The following DSG1 variants were observed in gnomAD, a reference collection of about 807,000 sequenced individuals.
DSG1 encodes the protein desmoglein-1.
In DSG1, 39 loss-of-function variants were observed where a neutral mutation model predicts 97.5. The observed-to-expected ratio is 0.40, with a 90% CI of 0.31 to 0.52. The LOEUF (loss-of-function observed/expected upper bound fraction) is 0.52, where lower values mean the gene tolerates loss of function less well. Ranked by LOEUF, DSG1 falls within the 20% of genes least tolerant of loss-of-function variation. The pLI is 0.53. For missense variants in DSG1, 1,311 were observed against 1,295.4 expected, an observed-to-expected ratio of 1.01 and a Z score of -0.18; for synonymous variants, 475 against 443.4, an observed-to-expected ratio of 1.07 and a Z score of -0.90.
rs762635618 is a variant in DSG1, at chr18:31,328,268, T to C, written c.296T>C (p.Ile99Thr). Reference protein sequence around the residue: ...GVGIDQPPYGIFVINQKTGEI... With the variant: ...GVGIDQPPYGTFVINQKTGEI... ...GGAATTGATCAGCCACCATATGGGA[T>C]CTTTGTCATTAATCAGAAAACTGGT... is the stretch of plus-strand genomic sequence containing the variant. Residue 99 changes from isoleucine (I) to threonine (T), a missense_variant, in exon 4 of 15, where the codon ATC (isoleucine) becomes ACC (threonine). Around this residue, in one of 3 missense-constraint regions of DSG1, gnomAD observed 259 missense variants for 304.1 expected, o/e 0.85. Transcript: ENST00000257192. 1.2e-6 allele frequency: 2 copies of C among 1,613,630 alleles called. No homozygotes were observed. The highest frequency in any genetic ancestry group is 2.2e-5 in the East Asian group (1 of 44,856).
At chr18:31,353,299 G>A (rs1338634399) in intron 14 of DSG1, among the ~76,000 whole-genome samples, 5,402 of 141,680 alleles carry the variant, frequency 0.038, 240 homozygotes, top group African/African-American at 0.14. Context: ...AGGGGTCAGG[G>A]ACCCACTTGA....
rs2071697137 is a variant in DSG1 at position 31,328,044 on chromosome 18, T to C, written c.217-145T>C. ...AAAATATTAGAGCTGTAATTGTTAC[T>C]CTTATCTAGGAAAATAATCTCCATT... On this transcript the variant is annotated intron_variant, in intron 3 of 14. Transcript: ENST00000257192. 10 of 788,440 alleles carry C rather than the reference T, an allele frequency of 1.3e-5. No individual in the cohort carries two copies. In the East Asian group the frequency reaches 2.7e-4, roughly 21 times the overall value. The allele number at this position is 788,440 out of a possible 1,614,324, so 48.8% of individuals were successfully genotyped here. A position where few individuals can be genotyped will look rare whatever the true frequency, so the allele number is the denominator to read the frequency against.
chr18:31,354,746 T>C lies in DSG1; in HGVS notation c.2550T>C (p.Ser850=). The C allele has an allele frequency of 6.2e-7, 1 of 1,614,182 alleles. No homozygotes were observed. The highest frequency in any genetic ancestry group is 8.5e-7 in the Non-Finnish European group (1 of 1,180,022). The change falls in exon 15 of 15, where the codon TCT becomes TCC. Residue 850 remains serine (S), a synonymous_variant. Transcript: ENST00000257192. ...CCACCTCTGACACTCTGAAGCCCTC[T>C]GTGCACGTTCACGATAACCGACCAG... ...SYTTSDTLKP[S]VHVHDNRPAS...
At chr18:31,346,585 C>T (rs1489151559) in intron 14 of DSG1, among the ~76,000 whole-genome samples, 2 of 152,004 alleles carry the variant, frequency 1.3e-5, no homozygotes, top group African/African-American at 4.8e-5. Flanking sequence ...ATCCTGTGCC[C>T]CTCCTGGAAT....
At chr18:31,331,901 C>A in intron 6 of DSG1, 34 bp downstream of exon 6, 1 of 1,595,524 alleles carries the variant, frequency 6.3e-7, no homozygotes, top group Non-Finnish European at 8.6e-7. Flanking sequence ...TTTTTGGTCT[C>A]AAAGGAACTG....
In DSG1 at chr18:31,355,382, GT is replaced by G; in HGVS notation, c.*39del. On this transcript the variant is annotated 3_prime_UTR_variant, in exon 15 of 15. Transcript: ENST00000257192. Reference sequence around the variant, plus strand: ...AGCTCACTTTTTCATAGTCATTGTGGTTTAGATCCAATTCCCACCACTAAAA... The same window carrying G: ...AGCTCACTTTTTCATAGTCATTGTGGTTAGATCCAATTCCCACCACTAAAA... The G allele has an allele frequency of 6.3e-7, 1 of 1,599,534 alleles. No homozygotes were observed. Among genetic ancestry groups the G allele is most frequent in the Non-Finnish European group, 8.6e-7 (1 of 1,168,588 alleles).
In DSG1 at chr18:31,336,604, C is replaced by A. The variant is rs139705270; in HGVS notation, c.1256C>A (p.Thr419Lys). The change falls in exon 9 of 15, where the codon ACG (threonine) becomes AAG (lysine). Residue 419 changes from threonine (T) to lysine (K), a missense_variant. Coordinates refer to ENST00000257192, the MANE Select transcript of DSG1 (RefSeq NM_001942.4). ...ATDLDTGRPS[T>K]TVRYVMGNNP... ...GACCTGGACACAGGTAGACCTTCAA[C>A]GACTGTTAGGTAAGAATGAGATTTT... 1.1e-5 allele frequency: 17 copies of A among 1,613,968 alleles called. No individual in the cohort carries two copies. The highest frequency in any genetic ancestry group is 1.4e-5 in the Non-Finnish European group (17 of 1,179,912).
chr18:31,328,248 T>A lies in DSG1; in HGVS notation c.276T>A (p.Ile92=), dbSNP rs1169589848. ...QVTYRISGVG[I]DQPPYGIFVI... Reference sequence around the variant, plus strand: ...CATACCGCATCTCTGGAGTAGGAATTGATCAGCCACCATATGGGATCTTTG... The same window carrying A: ...CATACCGCATCTCTGGAGTAGGAATAGATCAGCCACCATATGGGATCTTTG... Residue 92 remains isoleucine, a synonymous_variant, in exon 4 of 15, where the codon ATT becomes ATA. Transcript: ENST00000257192. The A allele has an allele frequency of 6.2e-7, 1 of 1,613,698 alleles. No individual in the cohort carries two copies. Among genetic ancestry groups the A allele is most frequent in the South Asian group, 1.1e-5 (1 of 91,080 alleles).
rs1424404497 is a variant in DSG1 at position 31,354,434 on chromosome 18, C to A, written c.2238C>A (p.Ser746Arg). Residue 746 changes from serine to arginine, a missense_variant, in exon 15 of 15, where the codon AGC (serine) becomes AGA (arginine). Around this residue, in one of 3 missense-constraint regions of DSG1, gnomAD observed 1,038 missense variants for 964.6 expected, o/e 1.08. Coordinates refer to ENST00000257192, the MANE Select transcript of DSG1 (RefSeq NM_001942.4). Reference sequence around the variant, plus strand: ...TCATTGGAGAAGACCTGGATGACAGCTTCTTGGATACCCTGGGACCTAAAT... The same window carrying A: ...TCATTGGAGAAGACCTGGATGACAGATTCTTGGATACCCTGGGACCTAAAT... ...CSFIGEDLDD[S>R]FLDTLGPKFK... 2 of 1,614,066 alleles carry A rather than the reference C, an allele frequency of 1.2e-6. No homozygotes were observed. Among genetic ancestry groups the A allele is most frequent in the African/African-American group, 1.3e-5 (1 of 74,912 alleles).
At position 31,328,243 on chromosome 18, in the gene DSG1, G is replaced by A; in HGVS notation, c.271G>A (p.Gly91Arg). 6.2e-7 allele frequency: 1 copy of A among 1,613,620 alleles called. No homozygotes were observed. The highest frequency in any genetic ancestry group is 8.5e-7 in the Non-Finnish European group (1 of 1,179,614). ...AGTTACATACCGCATCTCTGGAGTA[G>A]GAATTGATCAGCCACCATATGGGAT... ...QQVTYRISGV[G>R]IDQPPYGIFV... The change falls in exon 4 of 15, where the codon GGA becomes AGA. Residue 91 changes from glycine to arginine, a missense_variant. Gly to Arg is a moderately radical substitution (Grantham distance 125, BLOSUM62 -2). This residue lies in a region of DSG1 where 259 missense variants were observed against 304.1 expected (regional missense o/e 0.85). Coordinates refer to ENST00000257192, the MANE Select transcript of DSG1 (RefSeq NM_001942.4).
In DSG1 at chr18:31,331,967, A is replaced by G. The variant is rs1598701838; in HGVS notation, c.684+100A>G. 1.7e-6 allele frequency: 2 copies of G among 1,179,946 alleles called. 1 individual carries two copies. Among genetic ancestry groups the G allele is most frequent in the South Asian group, 2.8e-5 (2 of 70,990 alleles). 73.1% of individuals were successfully genotyped at this position (1,179,946 alleles called of 1,614,324 possible). A position where few individuals can be genotyped will look rare whatever the true frequency, so the allele number is the denominator to read the frequency against. ...AGAGATGAAGAAAATGATGGTTTAA[A>G]TTTTTACTTGTATAACTTTTTCACA... On this transcript the variant is annotated intron_variant, in intron 6 of 14. Coordinates refer to ENST00000257192, the MANE Select transcript of DSG1 (RefSeq NM_001942.4).
chr18:31,348,094 ATCTCCCGATGCTATCCCGCCCCCC>A (rs902016006), intron 14 of DSG1, among the ~76,000 whole-genome samples: 1 of 150,164 alleles, frequency 6.7e-6, no homozygotes, highest in Non-Finnish European at 1.5e-5. Flanking sequence ...CATTAGGTAT[ATCTCCCGATGCTATCCCGCCCCCC>A]TCCCCCCACC....
chr18:31,345,909 T>G, intron 13 of DSG1, 81 bp from the exon 14 acceptor site: 1 of 1,090,458 alleles, frequency 9.2e-7, no homozygotes, highest in Non-Finnish European at 1.4e-6. Flanking sequence ...AATGAAAAAA[T>G]CACATATTAC....
chr18:31,343,890 T>C, intron 12 of DSG1, 36 bp from the exon 13 acceptor site: 1 of 1,523,674 alleles, frequency 6.6e-7, no homozygotes, highest in Non-Finnish European at 9.1e-7. Flanking sequence ...TAGTCATTGG[T>C]CACTACAAAT....
Position 31,343,434 on chromosome 18 carries a change from A to G in DSG1, c.1688-16A>G, listed in dbSNP as rs747237101. On this transcript the variant is annotated splice_polypyrimidine_tract_variant and intron_variant, in intron 11 of 14. Transcript: ENST00000257192. ...ACCCAGTGCTAACTCTAGTATTACT[A>G]TCCCTCCACCACCAGTGGTCCCATT... 5.0e-6 allele frequency: 8 copies of G among 1,614,028 alleles called. No homozygotes were observed. Among genetic ancestry groups the G allele is most frequent in the Middle Eastern group, 3.3e-4 (2 of 6,072 alleles).
intron 1 of DSG1, among the ~76,000 whole-genome samples, chr18:31,321,570 G>T (rs780189219): frequency 6.6e-6 from 1 of 152,158 alleles, no homozygotes; most frequent in East Asian, 1.9e-4. Flanking sequence ...GTAGATTTAG[G>T]ATTAGCATCT....
chr18:31,352,026 T>C (rs1367587353), intron 14 of DSG1, among the ~76,000 whole-genome samples: 8 of 151,828 alleles, frequency 5.3e-5, no homozygotes, highest in Non-Finnish European at 8.8e-5. Flanking sequence ...TGTTAGCTGG[T>C]TATTTTGCTC....
chr18:31,326,958 G>A lies in DSG1; in HGVS notation c.169G>A (p.Ala57Thr), dbSNP rs1427235253. Residue 57 changes from alanine (A) to threonine (T), a missense_variant, in exon 3 of 15, where the codon GCC becomes ACC. Coordinates refer to ENST00000257192, the MANE Select transcript of DSG1 (RefSeq NM_001942.4). Reference sequence around the variant, plus strand: ...ACGTGAATGGATCAAGTTCGCAGCAGCCTGTCGTGAAGGTGAAGACAACTC... The same window carrying A: ...ACGTGAATGGATCAAGTTCGCAGCAACCTGTCGTGAAGGTGAAGACAACTC... The part of the protein sequence containing the change: ...QKREWIKFAA[A>T]CREGEDNSKR... 3 of 1,613,992 alleles carry A rather than the reference G, an allele frequency of 1.9e-6. No individual in the cohort carries two copies. The highest frequency in any genetic ancestry group is 2.5e-6 in the Non-Finnish European group (3 of 1,179,912).
intron 8 of DSG1, 64 bp from the exon 9 acceptor site, chr18:31,336,290 A>AT: frequency 6.8e-7 from 1 of 1,480,492 alleles, no homozygotes; most frequent in South Asian, 1.3e-5. Flanking sequence ...TTATCAAAGG[A>AT]TTTTCTTTCA....
Sources: allele counts gnomAD v4.1 joint callset (sites outside exome capture counted in the v4.1 genomes callset), GRCh38; gene constraint gnomAD v4.1.1; regional missense constraint gnomAD v4.1.1; transcripts MANE v1.5; gene names NCBI Gene and HGNC (gene_info 2026-07-23, HGNC 2026-07-21).